POLR1C: variants seen among roughly 807,000 people sequenced by gnomAD.
The protein encoded by POLR1C is RNA polymerase I and III subunit C, also known as DNA-directed RNA polymerases I and III subunit RPAC1.
POLR1C carries 42 observed loss-of-function variants against 38.3 expected under a neutral mutation model. The ratio of observed to expected loss-of-function variants is 1.10; its 90% CI spans 0.86 to 1.42. POLR1C has a LOEUF of 1.42. Among genes scored for constraint, POLR1C ranks in the 40% most tolerant of loss-of-function variants. POLR1C has a pLI of 0.00. For missense variants in POLR1C, 507 were observed against 450.5 expected (o/e 1.13, Z -1.14); for synonymous variants, 163 against 163.9 (o/e 0.99, Z 0.04).
Position 43,560,229 on chromosome 6 carries a change from T to C in POLR1C, c.*49-1171T>C, listed in dbSNP as rs1276397720. 4.3e-6 allele frequency: 7 copies of C among 1,612,432 alleles called. No individual in the cohort carries two copies. Among genetic ancestry groups the C allele is most frequent in the East Asian group, 4.5e-5 (2 of 44,878 alleles). On this transcript the variant is annotated intron_variant, in intron 10 of 10. Transcript: ENST00000607635. ...GAAGATATTTTGGTATTATTGCTAATAGCAAAGGATCACGGGACAGGATTT... is the reference window on the plus strand; with the variant it reads ...GAAGATATTTTGGTATTATTGCTAACAGCAAAGGATCACGGGACAGGATTT...
downstream of POLR1C, chr6:43,523,307 A>G (rs1477057938): frequency 8.6e-6 from 2 of 233,878 alleles, no homozygotes; most frequent in East Asian, 2.1e-4. Context: ...TTCTTGCCCA[A>G]AGCAAAGTTG....
At chr6:43,522,754 CAG>C (rs755570844), downstream of POLR1C, 5 of 491,370 alleles carry the variant, frequency 1.0e-5, no homozygotes, top group South Asian at 7.5e-5. Flanking sequence ...TGTTTTTGTG[CAG>C]AGCACATGGA....
At chr6:43,560,122 A>G (rs1762339093) in intron 10 of POLR1C, 45 of 1,573,618 alleles carry the variant, frequency 2.9e-5, no homozygotes, top group Non-Finnish European at 3.4e-5. Context: ...CCCAGCCTCA[A>G]AGTCTTATTA....
In POLR1C at chr6:43,517,117, CTTCTCAGGCGGT is replaced by C. The variant is rs1792870786; in HGVS notation, c.9_20del (p.Ser4_Val7del). The C allele has an allele frequency of 1.2e-6, 2 of 1,614,062 alleles. No homozygotes were observed. The highest frequency in any genetic ancestry group is 1.7e-5 in the Admixed American group (1 of 60,004). ...CTCGTGGAGAGATTGAAGATGGCGG[CTTCTCAGGCGGT>C]GGAGGAAATGCGGAGCCGCGTGGTT... On this transcript the variant is annotated inframe_deletion, in exon 1 of 9. Coordinates refer to ENST00000642195, the MANE Select transcript of POLR1C (RefSeq NM_203290.4).
At chr6:43,531,488 T>G, downstream of POLR1C, 1 of 1,613,452 alleles carries the variant, frequency 6.2e-7, no homozygotes, top group Non-Finnish European at 8.5e-7. Context: ...CCAGTTTTCA[T>G]AGAGGGTAGA....
intron 10 of POLR1C, among the ~76,000 whole-genome samples, chr6:43,557,606 G>A (rs1762167358): frequency 6.6e-6 from 1 of 151,990 alleles, no homozygotes; most frequent in Non-Finnish European, 1.5e-5. Flanking sequence ...GGAGAGATGA[G>A]GGAATTGGGG....
exon 9 of POLR1C, chr6:43,529,458 G>A (rs1171566910): frequency 3.1e-6 from 1 of 319,132 alleles, no homozygotes; most frequent in Non-Finnish European, 6.0e-6. Flanking sequence ...AGAAGCTAAG[G>A]CAAGAGAATG....
intron 8 of POLR1C, among the ~76,000 whole-genome samples, chr6:43,527,976 G>A (rs1793706787): frequency 2.0e-5 from 3 of 152,162 alleles, no homozygotes; most frequent in African/African-American, 7.2e-5. Flanking sequence ...ATGAAGGCTG[G>A]ATCTCAGAGT....
downstream of POLR1C, chr6:43,525,738 G>A: frequency 2.4e-6 from 3 of 1,227,930 alleles, no homozygotes; most frequent in Non-Finnish European, 3.4e-6. Flanking sequence ...TAACAAAGGA[G>A]TATTACAAAA....
chr6:43,544,274 A>G (rs1220225443), intron 9 of POLR1C: 1 of 160,250 alleles, frequency 6.2e-6, no homozygotes, highest in Non-Finnish European at 1.4e-5. Flanking sequence ...GACAGCAATT[A>G]TACACTTTCC....
chr6:43,558,407 T>C, intron 10 of POLR1C: 1 of 1,171,334 alleles, frequency 8.5e-7, no homozygotes, highest in South Asian at 1.6e-5. Context: ...TTTGGGGATC[T>C]TTCGTAAAAA....
chr6:43,518,047 G>T lies in POLR1C; in HGVS notation c.141+670G>T, dbSNP rs541466743. On this transcript the variant is annotated intron_variant, in intron 2 of 8. Coordinates refer to ENST00000642195, the MANE Select transcript of POLR1C (RefSeq NM_203290.4). The stretch of plus-strand genomic sequence containing the variant: ...TGCTTGAAAAAAAATTATGGCTTGT[G>T]TGAAGTGTGCTCCGGGCATGTCCAA... Among the ~76,000 whole-genome samples, 3 of 152,272 alleles carry T rather than the reference G, an allele frequency of 2.0e-5. No homozygotes were observed. In the South Asian group the frequency reaches 6.2e-4, roughly 32 times the overall value.
Position 43,549,978 on chromosome 6 carries a change from T to C in POLR1C, c.*5-990T>C, listed in dbSNP as rs575150463. Reference sequence around the variant, plus strand: ...AAAGGTCACTCATGTTTATTTGTTTTAGAGATGAGATCTTGCTATGTTGCC... The same window carrying C: ...AAAGGTCACTCATGTTTATTTGTTTCAGAGATGAGATCTTGCTATGTTGCC... On this transcript the variant is annotated intron_variant, in intron 9 of 10. Coordinates refer to the POLR1C transcript ENST00000607635. 2.5e-5 allele frequency: 40 copies of C among 1,594,498 alleles called. 1 individual carries two copies. The South Asian group carries it at 3.7e-4, about 15-fold the overall frequency.
chr6:43,553,760 T>C (rs1761855535), intron 10 of POLR1C: 1 of 524,934 alleles, frequency 1.9e-6, no homozygotes, highest in African/African-American at 1.9e-5. Flanking sequence ...TTCACCTCTA[T>C]GAGCCTTGTA....
At chr6:43,524,577 T>C, downstream of POLR1C, 2 of 1,613,920 alleles carry the variant, frequency 1.2e-6, no homozygotes, top group Non-Finnish European at 1.7e-6. Context: ...GTCCAGTGAG[T>C]CCTTCTGTAT....
At chr6:43,529,679 T>C (rs903509638), downstream of POLR1C, 1 of 160,374 alleles carries the variant, frequency 6.2e-6, no homozygotes, top group Non-Finnish European at 1.4e-5. Context: ...TCTAGCACTT[T>C]GGAGGCTGAG....
chr6:43,541,876 C>T (rs1442663010), intron 9 of POLR1C, among the ~76,000 whole-genome samples: 3 of 152,162 alleles, frequency 2.0e-5, no homozygotes, highest in Non-Finnish European at 2.9e-5. Flanking sequence ...CTCCTGGGTT[C>T]GAGTGATTCT....
In POLR1C at chr6:43,562,343, A is replaced by G. The variant is rs371458711; in HGVS notation, c.*992A>G. 6.2e-6 allele frequency: 10 copies of G among 1,604,254 alleles called. No individual in the cohort carries two copies. In the African/African-American group the frequency reaches 8.0e-5, roughly 13 times the overall value. On this transcript the variant is annotated 3_prime_UTR_variant, in exon 11 of 11. Coordinates refer to the POLR1C transcript ENST00000607635. ...TTTCTACCAAACCTCCTCCATCAGC[A>G]GTCCTGTAAGATGAGAATTCCTTAT... is the stretch of plus-strand genomic sequence containing the variant.
At chr6:43,534,862 G>T (rs1271942203) in intron 9 of POLR1C, among the ~76,000 whole-genome samples, 1 of 152,018 alleles carries the variant, frequency 6.6e-6, no homozygotes, top group Non-Finnish European at 1.5e-5. Context: ...GATGGGTGTG[G>T]TGGTGCATGC....
Sources: allele counts gnomAD v4.1 joint callset (sites outside exome capture counted in the v4.1 genomes callset), GRCh38; gene constraint gnomAD v4.1.1; transcripts MANE v1.5; gene names NCBI Gene and HGNC (gene_info 2026-07-23, HGNC 2026-07-21).